The following GABRB2 variants were observed in gnomAD, a reference collection of about 807,000 sequenced individuals.
GABRB2 encodes the protein gamma-aminobutyric acid type A receptor subunit beta2, also known as gamma-aminobutyric acid receptor subunit beta-2.
In GABRB2, 16 loss-of-function variants were observed where a neutral mutation model predicts 54.7. That is an observed-to-expected ratio of 0.29 (90% CI 0.20 to 0.44). The LOEUF is 0.44. Ranked by LOEUF, GABRB2 falls within the 20% of genes least tolerant of loss-of-function variation. GABRB2 has a pLI of 1.00. For missense variants in GABRB2, 355 were observed against 644.0 expected (o/e 0.55, Z 4.86); for synonymous variants, 244 against 233.8 (o/e 1.04, Z -0.40).
chr5:161,390,238 T>C (rs910972394), intron 5 of GABRB2, among the ~76,000 whole-genome samples: 1 of 152,100 alleles, frequency 6.6e-6, no homozygotes, highest in Non-Finnish European at 1.5e-5. Context: ...TTTTGTGTAC[T>C]TTCTTAAATA....
chr5:161,346,643 C>T (rs563178059), intron 5 of GABRB2, among the ~76,000 whole-genome samples: 1 of 152,058 alleles, frequency 6.6e-6, no homozygotes, highest in Admixed American at 6.6e-5. Context: ...AGGCAGGATG[C>T]TCCTGAAGAT....
intron 4 of GABRB2, among the ~76,000 whole-genome samples, chr5:161,438,165 T>A (rs542232806): frequency 4.1e-4 from 63 of 152,284 alleles, no homozygotes; most frequent in Non-Finnish European, 7.4e-4. Context: ...GGTGCTTGTA[T>A]CACTCCACCC....
At chr5:161,511,365 T>A (rs889350830) in intron 3 of GABRB2, among the ~76,000 whole-genome samples, 2 of 152,102 alleles carry the variant, frequency 1.3e-5, no homozygotes, top group East Asian at 3.9e-4. Context: ...AAATCAAGAA[T>A]TACACACAAA....
intron 4 of GABRB2, among the ~76,000 whole-genome samples, chr5:161,428,089 G>A (rs929942302): frequency 5.3e-5 from 8 of 152,084 alleles, no homozygotes; most frequent in Non-Finnish European, 1.0e-4. Flanking sequence ...AAAAAAGATC[G>A]TCTAATAATT....
intron 3 of GABRB2, among the ~76,000 whole-genome samples, chr5:161,509,887 T>C (rs962899876): frequency 1.6e-4 from 24 of 151,978 alleles, no homozygotes; most frequent in Admixed American, 1.3e-3. Flanking sequence ...GATCTTTCTA[T>C]AACATTAATC....
At position 161,289,955 on chromosome 5, in the gene GABRB2, G is replaced by GA. The variant is rs1298288016; in HGVS notation, c.*4125dup. 1.3e-5 allele frequency: 2 copies of GA among 152,140 alleles called. No individual in the cohort carries two copies. Among genetic ancestry groups the GA allele is most frequent in the South Asian group, 4.1e-4 (2 of 4,820 alleles). The allele number at this position is 152,140 out of a possible 1,614,324, so 9.4% of individuals were successfully genotyped here. On this transcript the variant is annotated 3_prime_UTR_variant, in exon 10 of 10. Coordinates refer to ENST00000393959, the MANE Select transcript of GABRB2 (RefSeq NM_001371727.1). ...TTAGTAAAAAATAAATAAAAATTAA[G>GA]AAAAAAACTAAACAATTATTTGTAT...
In GABRB2 at chr5:161,429,365, G is replaced by GA. The variant is rs1197009162; in HGVS notation, c.459-18309dup. 7.7e-4 allele frequency among the ~76,000 whole-genome samples: 42 copies of GA among 54,700 alleles called. 1 individual carries two copies. The highest frequency in any genetic ancestry group is 8.1e-4 in the Non-Finnish European group (22 of 27,224). 35.9% of individuals were successfully genotyped at this position (54,700 alleles called of 152,430 possible). A position where few individuals can be genotyped will look rare whatever the true frequency, so the allele number is the denominator to read the frequency against. ...CGTCTCAAAAAAAAAAAAAGAAAAA[G>GA]AAAAAAAAAGAAATCCTGAAATAAG... On this transcript the variant is annotated intron_variant, in intron 4 of 9. Transcript: ENST00000393959.
At chr5:161,499,644 T>C (rs1759366382) in intron 3 of GABRB2, among the ~76,000 whole-genome samples, 2 of 152,158 alleles carry the variant, frequency 1.3e-5, no homozygotes, top group South Asian at 4.1e-4. Context: ...ACAACAAAAA[T>C]AATTGTTCTT....
chr5:161,319,634 T>A (rs905391821), intron 9 of GABRB2, among the ~76,000 whole-genome samples: 1 of 151,526 alleles, frequency 6.6e-6, no homozygotes. Flanking sequence ...CATGCTTTTG[T>A]TTTTTGAAAT....
At chr5:161,538,231 G>A (rs576508145) in intron 3 of GABRB2, among the ~76,000 whole-genome samples, 5 of 152,204 alleles carry the variant, frequency 3.3e-5, no homozygotes, top group East Asian at 1.9e-4. Context: ...GCATTCGCCC[G>A]GGGTCAAATA....
chr5:161,469,509 C>CA (rs5872716), intron 3 of GABRB2, among the ~76,000 whole-genome samples: 111,086 of 150,504 alleles, frequency 0.74, 42,085 homozygotes, highest in South Asian at 0.9. Flanking sequence ...TCTTAAAAAC[C>CA]AAAAAAAACC....
chr5:161,493,476 A>C (rs879482279), intron 3 of GABRB2, among the ~76,000 whole-genome samples: 1 of 151,622 alleles, frequency 6.6e-6, no homozygotes, highest in African/African-American at 2.4e-5. Context: ...TTGAAATGTC[A>C]CCTTTTTATA....
chr5:161,360,006 C>T (rs773731445), intron 5 of GABRB2, among the ~76,000 whole-genome samples: 4 of 151,872 alleles, frequency 2.6e-5, no homozygotes, highest in Non-Finnish European at 4.4e-5. Context: ...ACTTGAACCC[C>T]GGAGGCGGAG....
chr5:161,291,282 T>C lies in GABRB2; in HGVS notation c.*2799A>G, dbSNP rs1757231215. On this transcript the variant is annotated 3_prime_UTR_variant, in exon 10 of 10. Transcript: ENST00000393959. The stretch of plus-strand genomic sequence containing the variant: ...ATAATTAAAAGAAAATCTATACATA[T>C]GTATAAACTGATAGTAATCCCATAT... 6.6e-6 allele frequency: 1 copy of C among 152,294 alleles called. No homozygotes were observed. Among genetic ancestry groups the C allele is most frequent in the South Asian group, 2.1e-4 (1 of 4,836 alleles). 9.4% of individuals were successfully genotyped at this position (152,294 alleles called of 1,614,324 possible).
chr5:161,445,063 T>C (rs1336485042), intron 4 of GABRB2, among the ~76,000 whole-genome samples: 1 of 152,140 alleles, frequency 6.6e-6, no homozygotes, highest in African/African-American at 2.4e-5. Context: ...TGCGTACATA[T>C]ATTCATTCAG....
intron 4 of GABRB2, among the ~76,000 whole-genome samples, chr5:161,415,984 G>A (rs1411518242): frequency 6.6e-6 from 1 of 151,284 alleles, no homozygotes; most frequent in Non-Finnish European, 1.5e-5. Flanking sequence ...TGTCATCCAT[G>A]CTGGAGGGCA....
At chr5:161,377,432 T>C (rs942904409) in intron 5 of GABRB2, among the ~76,000 whole-genome samples, 3 of 152,152 alleles carry the variant, frequency 2.0e-5, no homozygotes, top group Non-Finnish European at 2.9e-5. Context: ...TAACACATGA[T>C]GCTGTTACTG....
At chr5:161,467,694 T>A (rs926613312) in intron 3 of GABRB2, among the ~76,000 whole-genome samples, 2 of 152,076 alleles carry the variant, frequency 1.3e-5, no homozygotes, top group South Asian at 4.1e-4. Context: ...ATTTTCACAA[T>A]TAAAAACTTA....
intron 3 of GABRB2, among the ~76,000 whole-genome samples, chr5:161,525,118 G>A (rs2113440702): frequency 6.6e-6 from 1 of 151,368 alleles, no homozygotes; most frequent in Admixed American, 6.6e-5. Flanking sequence ...TCAATTCTGT[G>A]TTGGGAGTGC....
Sources: allele counts gnomAD v4.1 joint callset (sites outside exome capture counted in the v4.1 genomes callset), GRCh38; gene constraint gnomAD v4.1.1; transcripts MANE v1.5; gene names NCBI Gene and HGNC (gene_info 2026-07-23, HGNC 2026-07-21).